Variants in NRP1 observed in about 807,000 individuals in gnomAD.
NRP1 encodes neuropilin 1, also known as neuropilin-1.
In NRP1, 35 loss-of-function variants were observed where a neutral mutation model predicts 106.7. The ratio of observed to expected loss-of-function variants is 0.33; its 90% CI spans 0.25 to 0.43. The LOEUF is 0.43. Among genes scored for constraint, NRP1 ranks in the 20% least tolerant of loss-of-function variants. The probability of loss-of-function intolerance (pLI) is 1.00; values close to 1 mark genes in which losing one functional copy is unlikely to be tolerated. For missense variants in NRP1, 1,024 were observed against 1,170.4 expected (o/e 0.87, Z 1.83); for synonymous variants, 437 against 417.9 (o/e 1.05, Z -0.56).
chr10:33,225,331 C>T (rs533408989), intron 7 of NRP1, among the ~76,000 whole-genome samples: 81 of 152,316 alleles, frequency 5.3e-4, no homozygotes, highest in African/African-American at 1.8e-3. Context: ...GGTTAATTGG[C>T]CTCTTCCCAA....
chr10:33,244,131 G>A (rs370470411), intron 6 of NRP1, among the ~76,000 whole-genome samples: 80 of 152,198 alleles, frequency 5.3e-4, no homozygotes, highest in Middle Eastern at 6.8e-3. Context: ...AATTTACAGG[G>A]TTCAGCTCTC....
At chr10:33,200,629 C>G (rs574278664) in intron 11 of NRP1, among the ~76,000 whole-genome samples, 133 of 152,186 alleles carry the variant, frequency 8.7e-4, no homozygotes, top group Non-Finnish European at 1.5e-3. Context: ...TTTCATCACA[C>G]TAAACATCCA....
chr10:33,334,633 T>C lies in NRP1; in HGVS notation c.-251A>G, dbSNP rs1848513244. 5.6e-6 allele frequency: 1 copy of C among 178,308 alleles called. No individual in the cohort carries two copies. Among genetic ancestry groups the C allele is most frequent in the Non-Finnish European group, 1.0e-5 (1 of 96,240 alleles). The allele number at this position is 178,308 out of a possible 1,614,324, so 11.0% of individuals were successfully genotyped here. On this transcript the variant is annotated 5_prime_UTR_variant, in exon 1 of 17. Coordinates refer to ENST00000374867, the MANE Select transcript of NRP1 (RefSeq NM_003873.7). ...CTTCCTCTCCCTTTTCCCACACTTG[T>C]TCCTCTTCCAGGAGCCACTGCCCGG...
chr10:33,189,500 C>G (rs773161072), intron 13 of NRP1, among the ~76,000 whole-genome samples: 1 of 152,188 alleles, frequency 6.6e-6, no homozygotes, highest in Non-Finnish European at 1.5e-5. Flanking sequence ...GATCAGACTG[C>G]GAGTTCCTCA....
intron 13 of NRP1, among the ~76,000 whole-genome samples, chr10:33,189,550 C>T (rs1308165367): frequency 1.3e-5 from 2 of 152,188 alleles, no homozygotes; most frequent in African/African-American, 4.8e-5. Flanking sequence ...ATTTCCAGTG[C>T]CCAAGTCAGC....
chr10:33,294,271 T>G (rs1845216400), intron 2 of NRP1, among the ~76,000 whole-genome samples: 1 of 152,206 alleles, frequency 6.6e-6, no homozygotes, highest in Admixed American at 6.5e-5. Flanking sequence ...CCTGCAAATG[T>G]GCATCACTGT....
Position 33,283,084 on chromosome 10 carries a change from T to C in NRP1, c.249-12228A>G, listed in dbSNP as rs373491596. 1.7e-4 allele frequency among the ~76,000 whole-genome samples: 26 copies of C among 152,308 alleles called. No homozygotes were observed. The East Asian group carries it at 4.8e-3, about 28-fold the overall frequency. On this transcript the variant is annotated intron_variant, in intron 2 of 16. Coordinates refer to ENST00000374867, the MANE Select transcript of NRP1 (RefSeq NM_003873.7). ...AGTGGGCACTAACCTAAGTAAAAAT[T>C]GCACAATTTTGTTCAACAGACCCTT...
At chr10:33,208,302 A>C (rs2383985) in intron 9 of NRP1, among the ~76,000 whole-genome samples, 68,656 of 151,974 alleles carry the variant, frequency 0.45, 15,831 homozygotes, top group East Asian at 0.74. Context: ...ATCCTCCTGC[A>C]TTGGCCTCTC....
rs894220185 is a variant in NRP1 at position 33,334,322 on chromosome 10, C to T, written c.61G>A (p.Ala21Thr). 1 of 1,543,044 alleles carries T rather than the reference C, an allele frequency of 6.5e-7. No individual in the cohort carries two copies. Among genetic ancestry groups the T allele is most frequent in the Non-Finnish European group, 8.7e-7 (1 of 1,146,456 alleles). The change falls in exon 1 of 17, where the codon GCT becomes ACT. Residue 21 changes from alanine to threonine, a missense_variant. Ala to Thr is a moderately conservative substitution (Grantham distance 58, BLOSUM62 0). Coordinates refer to ENST00000374867, the MANE Select transcript of NRP1 (RefSeq NM_003873.7). ...VLALVLAPAG[A>T]FRNDKCGDTI... The stretch of plus-strand genomic sequence containing the variant: ...GCCTGTCACTTACCGTTGCGAAAAG[C>T]GCCGGCCGGGGCGAGGACGAGGGCG...
intron 11 of NRP1, among the ~76,000 whole-genome samples, chr10:33,198,245 G>A (rs1240655089): frequency 6.6e-6 from 1 of 151,096 alleles, no homozygotes; most frequent in South Asian, 2.1e-4. Context: ...AGGTTCAAGC[G>A]ATTCTCCTGC....
At chr10:33,207,741 C>A (rs1476955774) in intron 9 of NRP1, 25 bp from the exon 10 acceptor site, 3 of 1,588,132 alleles carry the variant, frequency 1.9e-6, no homozygotes, top group Admixed American at 1.8e-5. Flanking sequence ...AAACACAGGG[C>A]ATTAAGGAAA....
intron 7 of NRP1, among the ~76,000 whole-genome samples, chr10:33,225,419 G>A (rs1397415247): frequency 6.6e-6 from 1 of 152,208 alleles, no homozygotes; most frequent in Non-Finnish European, 1.5e-5. Flanking sequence ...TCCAGGGCAA[G>A]CTTTTAATTT....
At chr10:33,213,310 CTCGGGAGAATGCCAGAGG>C in intron 9 of NRP1, 58 bp downstream of exon 9, 1 of 1,614,168 alleles carries the variant, frequency 6.2e-7, no homozygotes, top group African/African-American at 1.3e-5. Context: ...GAAGCCCTTC[CTCGGGAGAATGCCAGAGG>C]CCCTTGATTG....
chr10:33,233,657 A>T (rs1349238978), intron 6 of NRP1, among the ~76,000 whole-genome samples: 3 of 152,208 alleles, frequency 2.0e-5, no homozygotes, highest in Admixed American at 6.5e-5. Context: ...TTGGCAAGGG[A>T]GCGTTTACCA....
intron 2 of NRP1, among the ~76,000 whole-genome samples, chr10:33,299,153 A>C (rs947974427): frequency 6.6e-6 from 1 of 152,152 alleles, no homozygotes; most frequent in Non-Finnish European, 1.5e-5. Flanking sequence ...TCTGACCCAA[A>C]GTTACTGATC....
Position 33,244,089 on chromosome 10 carries a change from G to A in NRP1, c.981+9939C>T, listed in dbSNP as rs577545400. Among the ~76,000 whole-genome samples the A allele has an allele frequency of 7.9e-5, 12 of 152,152 alleles. 1 individual carries two copies. In the East Asian group the frequency reaches 2.3e-3, roughly 29 times the overall value. On this transcript the variant is annotated intron_variant, in intron 6 of 16. Transcript: ENST00000374867. ...TGCATAAAATGAGAACTATACAAGG[G>A]TACAAAATCCTCATCCACACCAGGG...
chr10:33,244,293 C>T (rs747229736), intron 6 of NRP1, among the ~76,000 whole-genome samples: 1 of 152,174 alleles, frequency 6.6e-6, no homozygotes, highest in Non-Finnish European at 1.5e-5. Flanking sequence ...TGTTACCTCA[C>T]ACGCGACATA....
At chr10:33,228,323 G>A (rs1252659004) in intron 6 of NRP1, among the ~76,000 whole-genome samples, 2 of 152,130 alleles carry the variant, frequency 1.3e-5, no homozygotes, top group Non-Finnish European at 2.9e-5. Flanking sequence ...AGTGAGCTGA[G>A]ATCTCGCCAC....
chr10:33,289,222 CG>C (rs1389999068), intron 2 of NRP1, among the ~76,000 whole-genome samples: 1 of 152,048 alleles, frequency 6.6e-6, no homozygotes, highest in Non-Finnish European at 1.5e-5. Flanking sequence ...CAAAGCATGG[CG>C]GGGTGTACTG....
Sources: gnomAD v4.1 joint callset for allele counts (sites outside exome capture counted in the v4.1 genomes callset) on GRCh38, gnomAD v4.1.1 for gene constraint, MANE v1.5 for transcripts, NCBI Gene and HGNC (gene_info 2026-07-23, HGNC 2026-07-21) for gene names.